HMCN1: variants seen among roughly 807,000 people sequenced by gnomAD.
The protein encoded by HMCN1 is hemicentin 1, also known as hemicentin-1.
In HMCN1, 321 loss-of-function variants were observed where a neutral mutation model predicts 625.9. The ratio of observed to expected loss-of-function variants is 0.51; its 90% confidence interval spans 0.47 to 0.56. HMCN1 has a LOEUF of 0.56. Among genes scored for constraint, HMCN1 ranks in the 20% least tolerant of loss-of-function variants. The pLI is 0.00. For missense variants in HMCN1, 6,588 were observed against 6,887.3 expected (o/e 0.96, Z 1.54); for synonymous variants, 2,425 against 2,417.6 (o/e 1.00, Z -0.09).
intron 49 of HMCN1, among the ~76,000 whole-genome samples, chr1:186,065,811 T>C (rs1050941966): frequency 2.6e-5 from 4 of 152,218 alleles, no homozygotes; most frequent in Non-Finnish European, 5.9e-5. Context: ...ATAGTCTTTG[T>C]GGACTAAGAG....
At chr1:185,852,406 A>G (rs892110430) in intron 2 of HMCN1, among the ~76,000 whole-genome samples, 7 of 151,946 alleles carry the variant, frequency 4.6e-5, no homozygotes, top group African/African-American at 1.7e-4. Context: ...TTTAAAAATA[A>G]ACCAAAAAAG....
intron 4 of HMCN1, among the ~76,000 whole-genome samples, chr1:185,892,983 C>T (rs573639750): frequency 0.063 from 9,530 of 152,014 alleles, 1,048 homozygotes; most frequent in African/African-American, 0.22. Flanking sequence ...GTAGGACCCT[C>T]CAAGCCAGGT....
chr1:186,119,155 T>G, intron 77 of HMCN1, 36 bp from the exon 78 acceptor site: 1 of 1,445,482 alleles, frequency 6.9e-7, no homozygotes, highest in Non-Finnish European at 9.7e-7. Flanking sequence ...AAAACTGAGA[T>G]GCAGTATATA....
At position 186,053,975 on chromosome 1, in the gene HMCN1, T is replaced by A; in HGVS notation, c.6851T>A (p.Leu2284Gln). The A allele has an allele frequency of 1.2e-6, 2 of 1,612,400 alleles. No individual in the cohort carries two copies. Among genetic ancestry groups the A allele is most frequent in the Non-Finnish European group, 1.7e-6 (2 of 1,179,070 alleles). Residue 2284 changes from leucine to glutamine, a missense_variant, in exon 44 of 107, where the codon CTG becomes CAG. Leu to Gln is a moderately radical substitution (Grantham distance 113). Around this residue, in one of 3 missense-constraint regions of HMCN1, gnomAD observed 4,628 missense variants for 4,853.1 expected, o/e 0.95. Coordinates refer to ENST00000271588, the MANE Select transcript of HMCN1 (RefSeq NM_031935.3). ...GGGACTGCAAAGAAAGAATACAATC[T>A]GCAAGTTTACAGTAAGTTGTTGATT... ...VAGTAKKEYN[L>Q]QVYIRPTITN...
At chr1:186,175,876 C>CAAAAAA (rs758445916) in intron 103 of HMCN1, among the ~76,000 whole-genome samples, 32 of 76,048 alleles carry the variant, frequency 4.2e-4, no homozygotes, top group Middle Eastern at 7.4e-3. Flanking sequence ...AACTATGTCT[C>CAAAAAA]AAAAAAAAAA....
At chr1:185,746,367 T>G (rs966765116) in intron 1 of HMCN1, among the ~76,000 whole-genome samples, 2 of 152,200 alleles carry the variant, frequency 1.3e-5, no homozygotes. Context: ...TCACAAAATG[T>G]GTGACTTAAA....
At chr1:186,126,496 G>A (rs1367187582) in intron 82 of HMCN1, among the ~76,000 whole-genome samples, 1 of 152,012 alleles carries the variant, frequency 6.6e-6, no homozygotes, top group Non-Finnish European at 1.5e-5. Flanking sequence ...GGAAAAGAGT[G>A]TCAGGAGTTG....
intron 100 of HMCN1, among the ~76,000 whole-genome samples, chr1:186,168,756 G>A (rs1221066519): frequency 6.6e-6 from 1 of 152,048 alleles, no homozygotes; most frequent in Non-Finnish European, 1.5e-5. Flanking sequence ...AAGACTATAA[G>A]AAGGAAGGAC....
At chr1:186,167,069 GGAGATA>G in intron 100 of HMCN1, 127 bp downstream of exon 100, 1 of 1,198,836 alleles carries the variant, frequency 8.3e-7, no homozygotes, top group Non-Finnish European at 1.2e-6. Context: ...GAGAGAATGA[GGAGATA>G]TCCAGCAAGA....
At chr1:186,074,604 T>C in intron 52 of HMCN1, 137 bp from the exon 53 acceptor site, 2 of 737,264 alleles carry the variant, frequency 2.7e-6, no homozygotes, top group East Asian at 5.4e-5. Flanking sequence ...ATTATTTTGA[T>C]TAAACTATTG....
intron 11 of HMCN1, among the ~76,000 whole-genome samples, chr1:185,942,952 G>A (rs1668156987): frequency 6.6e-6 from 1 of 151,582 alleles, no homozygotes; most frequent in African/African-American, 2.4e-5. Flanking sequence ...CTGCAAGAGG[G>A]GGAAAAAAAG....
chr1:186,110,395 G>A (rs952117462), intron 71 of HMCN1, among the ~76,000 whole-genome samples: 2 of 152,200 alleles, frequency 1.3e-5, no homozygotes, highest in African/African-American at 2.4e-5. Context: ...AGGATTAAAA[G>A]TAGGAGACAC....
At chr1:185,930,238 A>C (rs915808923) in intron 10 of HMCN1, among the ~76,000 whole-genome samples, 1 of 152,210 alleles carries the variant, frequency 6.6e-6, no homozygotes, top group African/African-American at 2.4e-5. Flanking sequence ...TAAAAAGAAT[A>C]CGGTGGAAAT....
At chr1:186,095,644 A>G in intron 68 of HMCN1, 123 bp downstream of exon 68, 1 of 1,005,974 alleles carries the variant, frequency 9.9e-7, no homozygotes, top group Non-Finnish European at 1.4e-6. Flanking sequence ...TTTTTATTGC[A>G]TTTTAATTTT....
At chr1:186,169,510 G>T (rs1292928594) in intron 100 of HMCN1, among the ~76,000 whole-genome samples, 1 of 152,150 alleles carries the variant, frequency 6.6e-6, no homozygotes, top group African/African-American at 2.4e-5. Flanking sequence ...AAATGGAACA[G>T]AACAGAGGCC....
chr1:186,054,239 T>G (rs115457196), intron 44 of HMCN1, among the ~76,000 whole-genome samples: 2,341 of 152,044 alleles, frequency 0.015, 60 homozygotes, highest in African/African-American at 0.055. Flanking sequence ...GTAATTTTGT[T>G]GGGGACAGAT....
intron 64 of HMCN1, among the ~76,000 whole-genome samples, chr1:186,092,856 T>C (rs182208044): frequency 4.6e-5 from 7 of 152,250 alleles, no homozygotes; most frequent in African/African-American, 1.7e-4. Context: ...ATAACATGCA[T>C]TTAATTCAAA....
chr1:186,080,418 A>G (rs1659094699), intron 55 of HMCN1, among the ~76,000 whole-genome samples: 1 of 152,206 alleles, frequency 6.6e-6, no homozygotes, highest in Non-Finnish European at 1.5e-5. Context: ...AGCAGTCAAC[A>G]TGTGTTCCTA....
At chr1:185,836,058 C>T (rs764160281) in intron 1 of HMCN1, among the ~76,000 whole-genome samples, 3 of 152,110 alleles carry the variant, frequency 2.0e-5, no homozygotes, top group African/African-American at 4.8e-5. Context: ...TGATTAGACT[C>T]GAAATACTTA....
Sources: allele counts gnomAD v4.1 joint callset (sites outside exome capture counted in the v4.1 genomes callset), GRCh38; gene constraint gnomAD v4.1.1; regional missense constraint gnomAD v4.1.1; transcripts MANE v1.5; gene names NCBI Gene and HGNC (gene_info 2026-07-23, HGNC 2026-07-21).